Variants in CFAP221 observed in about 807,000 individuals in gnomAD.
CFAP221 encodes the protein cilia- and flagella-associated protein 221.
CFAP221 carries 97 observed loss-of-function variants against 113.1 expected under a neutral mutation model. That is an observed-to-expected ratio of 0.86 (90% CI 0.73 to 1.02). The LOEUF is 1.02. Ranked by LOEUF, CFAP221 falls within the 50% of genes least tolerant of loss-of-function variation. The pLI is 0.00. For missense variants in CFAP221, 1,025 were observed against 1,013.4 expected (o/e 1.01, Z -0.16); for synonymous variants, 331 against 354.4 (o/e 0.93, Z 0.74).
chr2:119,564,213 C>G (rs2104549748), intron 6 of CFAP221, among the ~76,000 whole-genome samples: 1 of 152,226 alleles, frequency 6.6e-6, no homozygotes, highest in Non-Finnish European at 1.5e-5. Context: ...TGAGGTCCTT[C>G]TTTTTCAGTA....
chr2:119,583,656 A>G (rs1463368939), intron 6 of CFAP221, among the ~76,000 whole-genome samples: 2 of 152,212 alleles, frequency 1.3e-5, no homozygotes, highest in Non-Finnish European at 2.9e-5. Flanking sequence ...ACCTGGTGCT[A>G]TGGTCTGAAT....
chr2:119,589,717 CAACTT>C (rs1683466486), intron 7 of CFAP221: 1 of 152,196 alleles, frequency 6.6e-6, no homozygotes, highest in Admixed American at 6.5e-5. Flanking sequence ...GGTATGCCCT[CAACTT>C]TAACTCAACT....
intron 6 of CFAP221, among the ~76,000 whole-genome samples, chr2:119,566,149 C>T (rs975707501): frequency 1.3e-5 from 2 of 152,052 alleles, no homozygotes; most frequent in Non-Finnish European, 2.9e-5. Context: ...AGGAGGAGGA[C>T]ATGCCTGAGC....
chr2:119,558,862 C>T (rs1427518713), intron 3 of CFAP221, among the ~76,000 whole-genome samples: 3 of 152,176 alleles, frequency 2.0e-5, no homozygotes, highest in African/African-American at 7.2e-5. Context: ...AACAAAAAAA[C>T]ACAGGCAAAC....
chr2:119,605,583 G>A (rs1392018908), intron 11 of CFAP221, among the ~76,000 whole-genome samples: 1 of 152,148 alleles, frequency 6.6e-6, no homozygotes. Flanking sequence ...GGTGCCTTGG[G>A]CACCCCCAAT....
At chr2:119,585,865 C>T (rs1300209605) in intron 6 of CFAP221, among the ~76,000 whole-genome samples, 1 of 152,216 alleles carries the variant, frequency 6.6e-6, no homozygotes, top group East Asian at 1.9e-4. Flanking sequence ...CCAGGGAAGA[C>T]AGACACTGGG....
chr2:119,574,904 C>T (rs913442570), intron 6 of CFAP221, among the ~76,000 whole-genome samples: 4 of 152,172 alleles, frequency 2.6e-5, no homozygotes, highest in African/African-American at 9.7e-5. Flanking sequence ...TTCAAAACCA[C>T]AAGTATTTGA....
At chr2:119,548,503 T>C (rs1466514423) in intron 2 of CFAP221, among the ~76,000 whole-genome samples, 1 of 152,200 alleles carries the variant, frequency 6.6e-6, no homozygotes, top group African/African-American at 2.4e-5. Context: ...TGGACACTTT[T>C]GTGAGCTCAG....
intron 13 of CFAP221, among the ~76,000 whole-genome samples, chr2:119,612,490 A>G (rs1685244812): frequency 1.3e-5 from 2 of 152,224 alleles, no homozygotes; most frequent in Admixed American, 6.5e-5. Flanking sequence ...CTAAGTCGCT[A>G]TCATGAGAAC....
At chr2:119,599,873 C>T (rs1472844392) in intron 7 of CFAP221, among the ~76,000 whole-genome samples, 1 of 152,180 alleles carries the variant, frequency 6.6e-6, no homozygotes, top group African/African-American at 2.4e-5. Context: ...GTGCCTGGCA[C>T]ACTTATTAAG....
At chr2:119,649,486 GAGAC>G (rs1425354962) in intron 22 of CFAP221, among the ~76,000 whole-genome samples, 22 of 152,300 alleles carry the variant, frequency 1.4e-4, no homozygotes, top group Admixed American at 1.0e-3. Flanking sequence ...CTAGTTTAGT[GAGAC>G]AGAACGCAAG....
chr2:119,630,654 C>G lies in CFAP221; in HGVS notation c.1816C>G (p.Arg606Gly), dbSNP rs867214691. The G allele has an allele frequency of 2.9e-5, 47 of 1,613,442 alleles. No homozygotes were observed. Among genetic ancestry groups the G allele is most frequent in the Non-Finnish European group, 3.7e-5 (44 of 1,179,484 alleles). Residue 606 changes from arginine to glycine, a missense_variant, in exon 18 of 24, where the codon CGA becomes GGA. Physicochemically the swap from Arg to Gly is moderately radical, Grantham distance 125. Coordinates refer to ENST00000413369, the MANE Select transcript of CFAP221 (RefSeq NM_001271049.2). The part of the protein sequence containing the change: ...STSYRPQKLA[R>G]ALKQGAEDEV... The stretch of plus-strand genomic sequence containing the variant: ...AAGTTACAGACCTCAAAAGCTTGCC[C>G]GAGCCCTAAAGCAAGGAGCTGAGGT...
chr2:119,620,832 C>T (rs769600066), intron 14 of CFAP221, among the ~76,000 whole-genome samples: 4 of 151,778 alleles, frequency 2.6e-5, no homozygotes, highest in Admixed American at 6.6e-5. Context: ...ATCAGTGTGG[C>T]GTATTCAGGA....
At chr2:119,658,165 AT>A (rs1397157936), downstream of CFAP221, among the ~76,000 whole-genome samples, 1 of 152,188 alleles carries the variant, frequency 6.6e-6, no homozygotes, top group Non-Finnish European at 1.5e-5. Context: ...CTTAATGATA[AT>A]GTCCATGAGC....
chr2:119,566,971 C>A (rs1049868781), intron 6 of CFAP221, among the ~76,000 whole-genome samples: 1 of 151,954 alleles, frequency 6.6e-6, no homozygotes, highest in Non-Finnish European at 1.5e-5. Context: ...TTTTTGAAGA[C>A]TTTATATTCT....
intron 2 of CFAP221, among the ~76,000 whole-genome samples, chr2:119,548,344 A>G (rs1303566758): frequency 1.3e-5 from 2 of 152,182 alleles, no homozygotes; most frequent in African/African-American, 4.8e-5. Flanking sequence ...TAGAAATAAT[A>G]CCTACCTCAA....
intron 7 of CFAP221, among the ~76,000 whole-genome samples, chr2:119,591,903 GA>G (rs1169623436): frequency 2.0e-5 from 3 of 151,564 alleles, no homozygotes; most frequent in Admixed American, 6.6e-5. Context: ...GCAACAATGG[GA>G]AAAAAAGAGC....
intron 6 of CFAP221, among the ~76,000 whole-genome samples, chr2:119,571,705 G>C (rs1486216770): frequency 2.6e-5 from 4 of 151,220 alleles, no homozygotes; most frequent in African/African-American, 9.7e-5. Context: ...AGATCCACCT[G>C]TCTTGGCCTC....
chr2:119,575,018 T>C (rs1194154100), intron 6 of CFAP221, among the ~76,000 whole-genome samples: 1 of 152,200 alleles, frequency 6.6e-6, no homozygotes, highest in Non-Finnish European at 1.5e-5. Context: ...ACCAGTAAAC[T>C]GGCAGCTGGG....
Sources: gnomAD v4.1 joint callset for allele counts (sites outside exome capture counted in the v4.1 genomes callset) on GRCh38, gnomAD v4.1.1 for gene constraint, MANE v1.5 for transcripts, NCBI Gene and HGNC (gene_info 2026-07-23, HGNC 2026-07-21) for gene names.